Variants in TLE4 observed in about 807,000 individuals in gnomAD.
TLE4 encodes the protein TLE family member 4, transcriptional corepressor.
TLE4 carries 8 observed loss-of-function variants against 92.8 expected under a neutral mutation model. The observed-to-expected ratio is 0.09, with a 90% CI of 0.05 to 0.16. The LOEUF is 0.16. TLE4 is among the 10% of genes least tolerant of loss of function. The probability of loss-of-function intolerance (pLI) is 1.00; values close to 1 mark genes in which losing one functional copy is unlikely to be tolerated. For synonymous variants in TLE4, 371 were observed against 374.1 expected, an observed-to-expected ratio of 0.99 and a Z score of 0.10; for missense variants, 675 against 997.6, an observed-to-expected ratio of 0.68 and a Z score of 4.36.
intron 8 of TLE4, among the ~76,000 whole-genome samples, chr9:79,672,081 A>G (rs962596616): frequency 2.3e-5 from 3 of 130,022 alleles, no homozygotes; most frequent in African/African-American, 9.1e-5. Context: ...GCCCTGCTAC[A>G]TAGTTGTCTT....
intron 6 of TLE4, chr9:79,649,916 G>GT (rs1440084150): frequency 2.3e-6 from 3 of 1,318,314 alleles, no homozygotes; most frequent in Admixed American, 2.3e-5. Flanking sequence ...TTTGTTTTTT[G>GT]TTTTTTGTTT....
chr9:79,586,353 C>T (rs1236180404), intron 4 of TLE4, among the ~76,000 whole-genome samples: 3 of 150,396 alleles, frequency 2.0e-5, no homozygotes, highest in Non-Finnish European at 3.0e-5. Context: ...CAGAGCAAGA[C>T]TCTGTCACAA....
intron 5 of TLE4, among the ~76,000 whole-genome samples, chr9:79,625,014 C>CTTTTTTTTTTTTTTTTTTTTTTTTTTT (rs34968887): frequency 1.3e-5 from 1 of 79,948 alleles, no homozygotes; most frequent in Non-Finnish European, 2.2e-5. Context: ...TATTTCTTTT[C>CTTTTTTTTTTTTTTTTTTTTTTTTTTT]TTTTTTTTTT....
chr9:79,703,314 C>T (rs528716441), intron 8 of TLE4, among the ~76,000 whole-genome samples: 2 of 152,204 alleles, frequency 1.3e-5, no homozygotes, highest in South Asian at 2.1e-4. Context: ...TGCCAAGGGA[C>T]TGTGTTACTC....
Position 79,573,621 on chromosome 9 carries a change from A to T in TLE4, c.46-68A>T, listed in dbSNP as rs572880258. 3.0e-6 allele frequency: 4 copies of T among 1,320,378 alleles called. No homozygotes were observed. In the African/African-American group the frequency reaches 5.8e-5, roughly 19 times the overall value. 81.8% of individuals were successfully genotyped at this position (1,320,378 alleles called of 1,614,324 possible). A position where few individuals can be genotyped will look rare whatever the true frequency, so the allele number is the denominator to read the frequency against. On this transcript the variant is annotated intron_variant, in intron 1 of 19. Coordinates refer to ENST00000376552, the MANE Select transcript of TLE4 (RefSeq NM_007005.6). Reference sequence around the variant, plus strand: ...TCACCCCCCGCTAACGCCGCATAGTAGGTTTTCTCCGTCTCCCTGCTTCGC... The same window carrying T: ...TCACCCCCCGCTAACGCCGCATAGTTGGTTTTCTCCGTCTCCCTGCTTCGC...
chr9:79,691,989 C>T (rs1005284830), intron 8 of TLE4, among the ~76,000 whole-genome samples: 4 of 152,106 alleles, frequency 2.6e-5, no homozygotes, highest in African/African-American at 9.7e-5. Flanking sequence ...GCCTTAGGGC[C>T]CAGCAGAATG....
At chr9:79,599,136 A>T (rs1247733684) in intron 4 of TLE4, among the ~76,000 whole-genome samples, 1 of 152,140 alleles carries the variant, frequency 6.6e-6, no homozygotes, top group East Asian at 1.9e-4. Context: ...TGGTGTCTTG[A>T]CCTGTCTGGT....
At chr9:79,622,757 A>G (rs1205842788) in intron 5 of TLE4, among the ~76,000 whole-genome samples, 1 of 152,128 alleles carries the variant, frequency 6.6e-6, no homozygotes, top group East Asian at 1.9e-4. Flanking sequence ...GAATGAATGG[A>G]TGAAAAAAAC....
chr9:79,670,849 C>CTATT (rs570678353), intron 8 of TLE4, among the ~76,000 whole-genome samples: 20 of 151,874 alleles, frequency 1.3e-4, no homozygotes, highest in Non-Finnish European at 2.8e-4. Context: ...TAAAGTTGCC[C>CTATT]AATATAGTAG....
intron 8 of TLE4, among the ~76,000 whole-genome samples, chr9:79,676,723 G>T (rs1159294981): frequency 1.3e-5 from 2 of 152,230 alleles, no homozygotes; most frequent in Non-Finnish European, 2.9e-5. Context: ...TTCTCTCTGA[G>T]CCTCAGTTTC....
chr9:79,593,859 T>C (rs2043280006), intron 4 of TLE4, among the ~76,000 whole-genome samples: 1 of 152,216 alleles, frequency 6.6e-6, no homozygotes. Flanking sequence ...AAAATTATTA[T>C]TGACTTATTG....
chr9:79,592,575 G>A (rs1001907802), intron 4 of TLE4, among the ~76,000 whole-genome samples: 2 of 152,050 alleles, frequency 1.3e-5, no homozygotes, highest in African/African-American at 2.4e-5. Context: ...GAGCCACTGT[G>A]CCCAGCCAGA....
chr9:79,722,003 A>T (rs1041659450), intron 17 of TLE4, 115 bp downstream of exon 17: 90 of 1,419,672 alleles, frequency 6.3e-5, no homozygotes, highest in Non-Finnish European at 8.1e-5. Context: ...CATCTCTACT[A>T]AAAGTACAAA....
At chr9:79,685,223 T>C (rs1451349512) in intron 8 of TLE4, among the ~76,000 whole-genome samples, 2 of 152,190 alleles carry the variant, frequency 1.3e-5, no homozygotes, top group Non-Finnish European at 2.9e-5. Flanking sequence ...ATAAGAAGCA[T>C]TGTTACCCTC....
At chr9:79,572,891 G>C in intron 1 of TLE4, 56 bp downstream of exon 1, 1 of 1,538,848 alleles carries the variant, frequency 6.5e-7, no homozygotes, top group Admixed American at 1.8e-5. Context: ...TCCCCGCGTC[G>C]CCCCCTGCGC....
At chr9:79,663,951 G>A (rs1268323218) in intron 8 of TLE4, among the ~76,000 whole-genome samples, 1 of 152,210 alleles carries the variant, frequency 6.6e-6, no homozygotes, top group Non-Finnish European at 1.5e-5. Context: ...ACTTCATAAA[G>A]CCAATAAAGC....
chr9:79,664,803 C>T (rs1288750104), intron 8 of TLE4, among the ~76,000 whole-genome samples: 1 of 152,122 alleles, frequency 6.6e-6, no homozygotes, highest in Non-Finnish European at 1.5e-5. Context: ...CTGTCAATAC[C>T]AGATGTTCAC....
chr9:79,613,946 A>G (rs1323703984), intron 5 of TLE4, among the ~76,000 whole-genome samples: 3 of 152,006 alleles, frequency 2.0e-5, no homozygotes, highest in Non-Finnish European at 4.4e-5. Context: ...AACAAAGGGT[A>G]TGTTGTCTTT....
chr9:79,641,708 A>C (rs572836780), intron 6 of TLE4, among the ~76,000 whole-genome samples: 7 of 152,164 alleles, frequency 4.6e-5, no homozygotes, highest in African/African-American at 1.7e-4. Flanking sequence ...ATTTTTATGA[A>C]TGAATGATTG....
Sources: gnomAD v4.1 joint callset for allele counts (sites outside exome capture counted in the v4.1 genomes callset) on GRCh38, gnomAD v4.1.1 for gene constraint, MANE v1.5 for transcripts, NCBI Gene and HGNC (gene_info 2026-07-23, HGNC 2026-07-21) for gene names.